Variants in TGFBR2 observed in about 807,000 individuals in gnomAD.
TGFBR2 encodes TGF-beta receptor type-2.
In TGFBR2, 18 loss-of-function variants were observed where a neutral mutation model predicts 49.0. That is an observed-to-expected ratio of 0.37 (90% CI 0.25 to 0.54). The LOEUF is 0.54. Ranked by LOEUF, TGFBR2 falls within the 20% of genes least tolerant of loss-of-function variation. TGFBR2 has a pLI of 0.85. For missense variants in TGFBR2, 525 were observed against 722.6 expected (o/e 0.73, Z 3.13); for synonymous variants, 282 against 275.9 (o/e 1.02, Z -0.22).
At chr3:30,657,378 T>C (rs1029921709) in intron 3 of TGFBR2, among the ~76,000 whole-genome samples, 1 of 152,136 alleles carries the variant, frequency 6.6e-6, no homozygotes, top group African/African-American at 2.4e-5. Context: ...AAATGATGTG[T>C]ATAAACGATG....
At chr3:30,627,387 G>A (rs911311172) in intron 1 of TGFBR2, among the ~76,000 whole-genome samples, 1 of 152,068 alleles carries the variant, frequency 6.6e-6, no homozygotes, top group African/African-American at 2.4e-5. Flanking sequence ...TCAGTGGCAT[G>A]TATTTTATTA....
chr3:30,655,397 T>C (rs1698976511), intron 3 of TGFBR2, among the ~76,000 whole-genome samples: 1 of 152,238 alleles, frequency 6.6e-6, no homozygotes, highest in Admixed American at 6.5e-5. Context: ...ATCCAGTTTC[T>C]CTTTTTCTCC....
In TGFBR2 at chr3:30,693,565, A is replaced by G. The variant is rs1699748594; in HGVS notation, c.*1966A>G. ...TTTTAAGATACATGCAAAGGTTTGG[A>G]AATAGAACCTCTAGGCACCCTCCTC... On this transcript the variant is annotated 3_prime_UTR_variant, in exon 7 of 7. Coordinates refer to ENST00000295754, the MANE Select transcript of TGFBR2 (RefSeq NM_003242.6). 1 of 233,440 alleles carries G rather than the reference A, an allele frequency of 4.3e-6. No homozygotes were observed. Among genetic ancestry groups the G allele is most frequent in the Non-Finnish European group, 8.5e-6 (1 of 117,812 alleles). The allele number at this position is 233,440 out of a possible 1,614,324, so 14.5% of individuals were successfully genotyped here.
At chr3:30,679,753 T>G (rs922572052) in intron 5 of TGFBR2, among the ~76,000 whole-genome samples, 1 of 152,212 alleles carries the variant, frequency 6.6e-6, no homozygotes, top group African/African-American at 2.4e-5. Context: ...ATCAAAGCCC[T>G]GTTGTCTGAC....
intron 3 of TGFBR2, among the ~76,000 whole-genome samples, chr3:30,670,963 C>T (rs1195780972): frequency 6.6e-6 from 1 of 152,226 alleles, no homozygotes; most frequent in East Asian, 1.9e-4. Flanking sequence ...AGCCTGAATG[C>T]TGATCAGAGC....
chr3:30,686,603 C>T (rs1025866510), intron 5 of TGFBR2, among the ~76,000 whole-genome samples: 2 of 152,200 alleles, frequency 1.3e-5, no homozygotes, highest in Admixed American at 1.3e-4. Flanking sequence ...TTCAAAATGT[C>T]ATCTTGCCAT....
At chr3:30,667,921 T>C (rs572991947) in intron 3 of TGFBR2, among the ~76,000 whole-genome samples, 1 of 152,274 alleles carries the variant, frequency 6.6e-6, no homozygotes, top group South Asian at 2.1e-4. Context: ...AAATAACACC[T>C]CTAGAACAGG....
At chr3:30,649,695 C>T (rs1162912978) in intron 2 of TGFBR2, among the ~76,000 whole-genome samples, 1 of 151,974 alleles carries the variant, frequency 6.6e-6, no homozygotes, top group Non-Finnish European at 1.5e-5. Flanking sequence ...TGTTTCTTCC[C>T]GTTTTTCTCA....
intron 1 of TGFBR2, among the ~76,000 whole-genome samples, chr3:30,631,621 C>CTTTTTTTTTT (rs71093918): frequency 8.7e-6 from 1 of 115,380 alleles, no homozygotes; most frequent in East Asian, 2.4e-4. Context: ...CAACTTCTTT[C>CTTTTTTTTTT]TTTTTTTTTT....
intron 3 of TGFBR2, chr3:30,661,455 G>T: frequency 2.4e-6 from 1 of 416,790 alleles, no homozygotes; most frequent in Non-Finnish European, 4.8e-6. Flanking sequence ...AAGCACAGTG[G>T]AAGGGATGCC....
At position 30,607,799 on chromosome 3, in the gene TGFBR2, A is replaced by ATATAT. The variant is rs1553624166; in HGVS notation, c.94+822_94+823insTATAT. On this transcript the variant is annotated intron_variant, in intron 1 of 6. Transcript: ENST00000295754. ...TTTAAGGAAAAAATAAAAATAAAAAAATATATATATATATTATATATATAT... is the reference window on the plus strand; with the variant it reads ...TTTAAGGAAAAAATAAAAATAAAAAATATATATATATATATATATTATATATATAT... Among the ~76,000 whole-genome samples the ATATAT allele has an allele frequency of 2.3e-3, 317 of 138,300 alleles. 1 individual carries two copies. The highest frequency in any genetic ancestry group is 8.1e-3 in the African/African-American group (300 of 36,896). The allele number at this position is 138,300 out of a possible 152,430, so 90.7% of individuals were successfully genotyped here.
In TGFBR2 at chr3:30,671,930, G is replaced by C. The variant is rs772907386; in HGVS notation, c.747G>C (p.Leu249=). The C allele has an allele frequency of 1.2e-5, 20 of 1,614,064 alleles. No individual in the cohort carries two copies. The change falls in exon 4 of 7, where the codon CTG becomes CTC. Residue 249 remains leucine (L), a synonymous_variant. Coordinates refer to ENST00000295754, the MANE Select transcript of TGFBR2 (RefSeq NM_003242.6). ...TELLPIELDT[L]VGKGRFAEVY... ...TGCTGCCCATTGAGCTGGACACCCTGGTGGGGAAAGGTCGCTTTGCTGAGG... is the reference window on the plus strand; with the variant it reads ...TGCTGCCCATTGAGCTGGACACCCTCGTGGGGAAAGGTCGCTTTGCTGAGG...
chr3:30,645,922 A>G (rs1425673428), intron 2 of TGFBR2, among the ~76,000 whole-genome samples: 2 of 152,112 alleles, frequency 1.3e-5, no homozygotes, highest in African/African-American at 4.8e-5. Context: ...TGATTAATTC[A>G]TGGTTATAGA....
At chr3:30,656,452 T>C (rs1035272952) in intron 3 of TGFBR2, among the ~76,000 whole-genome samples, 1 of 152,232 alleles carries the variant, frequency 6.6e-6, no homozygotes, top group Non-Finnish European at 1.5e-5. Flanking sequence ...CAAGATGCAT[T>C]GTACAAGATA....
intron 1 of TGFBR2, among the ~76,000 whole-genome samples, chr3:30,621,333 T>A (rs1698227270): frequency 1.4e-5 from 2 of 138,088 alleles, no homozygotes; most frequent in Non-Finnish European, 3.0e-5. Context: ...CAGGCTGGAG[T>A]ACAATGGCAC....
intron 1 of TGFBR2, among the ~76,000 whole-genome samples, chr3:30,642,250 A>G (rs190989237): frequency 4.6e-5 from 7 of 151,986 alleles, no homozygotes; most frequent in African/African-American, 1.7e-4. Flanking sequence ...AATTCCAGCT[A>G]TATCCAGGTG....
At chr3:30,680,297 C>T (rs1352164974) in intron 5 of TGFBR2, among the ~76,000 whole-genome samples, 1 of 152,090 alleles carries the variant, frequency 6.6e-6, no homozygotes, top group Non-Finnish European at 1.5e-5. Context: ...TGGGTGAATC[C>T]CTGTTAACAG....
chr3:30,643,633 G>T (rs1178622357), intron 1 of TGFBR2, among the ~76,000 whole-genome samples: 1 of 152,158 alleles, frequency 6.6e-6, no homozygotes, highest in Non-Finnish European at 1.5e-5. Flanking sequence ...TGGACTCCTT[G>T]TATTCATCCT....
intron 5 of TGFBR2, among the ~76,000 whole-genome samples, chr3:30,681,000 A>C (rs1699529534): frequency 6.6e-6 from 1 of 152,038 alleles, no homozygotes; most frequent in Admixed American, 6.6e-5. Flanking sequence ...TCCCCAGCCA[A>C]ACTGGCCTGC....
Sources: allele counts gnomAD v4.1 joint callset (sites outside exome capture counted in the v4.1 genomes callset), GRCh38; gene constraint gnomAD v4.1.1; transcripts MANE v1.5; gene names NCBI Gene and HGNC (gene_info 2026-07-23, HGNC 2026-07-21).